PTOV1: variants seen among roughly 807,000 people sequenced by gnomAD.
PTOV1 encodes PTOV1 extended AT-hook containing adaptor protein.
Under a neutral mutation model 58.0 loss-of-function variants are expected in PTOV1, and 20 were observed. The observed-to-expected ratio is 0.34, with a 90% CI of 0.24 to 0.50. The LOEUF is 0.50. PTOV1 is among the 20% of genes least tolerant of loss of function. The pLI is 0.98. For missense variants in PTOV1, 593 were observed against 565.4 expected (o/e 1.05, Z -0.50); for synonymous variants, 335 against 234.2 (o/e 1.43, Z -3.93).
chr19:49,854,775 A>AGTGGCT (rs781132685), intron 3 of PTOV1, 41 bp downstream of exon 3: 7 of 1,613,010 alleles, frequency 4.3e-6, no homozygotes, highest in Non-Finnish European at 5.9e-6. Flanking sequence ...TGGCAGGGGC[A>AGTGGCT]GTGGCTGTGG....
At chr19:49,854,805 C>T (rs1460239637) in intron 3 of PTOV1, 26 bp from the exon 4 acceptor site, 4 of 1,613,190 alleles carry the variant, frequency 2.5e-6, no homozygotes, top group Non-Finnish European at 2.5e-6. Context: ...TCAGGGCAGC[C>T]CTTTCTGACC....
At chr19:49,856,285 A>G (rs1187018748) in intron 5 of PTOV1, 1 of 152,368 alleles carries the variant, frequency 6.6e-6, no homozygotes, top group Admixed American at 6.5e-5. Flanking sequence ...GGCTCCAGGG[A>G]GGCCAGGGAC....
chr19:49,859,850 C>G (rs2074669971), intron 10 of PTOV1, 136 bp from the exon 11 acceptor site: 2 of 936,222 alleles, frequency 2.1e-6, no homozygotes, highest in Non-Finnish European at 3.3e-6. Flanking sequence ...GGGCCCACCT[C>G]CAGGGTGGGT....
chr19:49,856,918 T>TG (rs2074494244), intron 5 of PTOV1, 57 bp from the exon 6 acceptor site: 2 of 1,599,370 alleles, frequency 1.3e-6, no homozygotes, highest in African/African-American at 1.3e-5. Flanking sequence ...TCCAGGGTGG[T>TG]GGGGGCACAG....
rs1279893557 is a variant in PTOV1 at position 49,857,634 on chromosome 19, A to G, written c.715-59A>G. On this transcript the variant is annotated intron_variant, in intron 6 of 11. Transcript: ENST00000391842. The stretch of plus-strand genomic sequence containing the variant: ...AGGGAGGGATGGCAGGCCCCAGGAC[A>G]GACAGACAGGTTTCCCAGGAGCCTG... The G allele has an allele frequency of 5.3e-6, 8 of 1,504,042 alleles. No individual in the cohort carries two copies. The Admixed American group carries it at 1.1e-4, about 20-fold the overall frequency. The allele number at this position is 1,504,042 out of a possible 1,614,324, so 93.2% of individuals were successfully genotyped here.
chr19:49,851,648 T>G, intron 1 of PTOV1, 149 bp downstream of exon 1: 3 of 1,062,330 alleles, frequency 2.8e-6, no homozygotes, highest in Non-Finnish European at 3.5e-6. Context: ...GGTTCCCCCG[T>G]GGAGCACCCG....
At chr19:49,860,121 G>A in exon 11 of PTOV1, 1 of 1,614,218 alleles carries the variant, frequency 6.2e-7, no homozygotes, top group East Asian at 2.2e-5. Context: ...CATCCGGCGT[G>A]TCATTGCCAA....
At chr19:49,854,988 T>G (rs1367340526) in exon 5 of PTOV1, 1 of 1,583,660 alleles carries the variant, frequency 6.3e-7, no homozygotes, top group African/African-American at 1.4e-5. Context: ...GGGCCCCCTG[T>G]TCCGGAACTC....
At position 49,854,893 on chromosome 19, in the gene PTOV1, G is replaced by GGGGCCCC; in HGVS notation, c.450+5_450+6insGGGCCCC. 5 of 1,603,494 alleles carry GGGGCCCC rather than the reference G, an allele frequency of 3.1e-6. No individual in the cohort carries two copies. The highest frequency in any genetic ancestry group is 4.3e-6 in the Non-Finnish European group (5 of 1,173,278). ...CTGATCCCTCAGCAGCTGCTGGTGA[G>GGGGCCCC]ACCCGCCCCTCCCACCCCATCCACT... On this transcript the variant is annotated splice_donor_region_variant and intron_variant, in intron 4 of 11. Coordinates refer to ENST00000391842, the Ensembl canonical transcript of PTOV1.
chr19:49,853,798 CTGGA>C, intron 1 of PTOV1, among the ~76,000 whole-genome samples: 1 of 152,186 alleles, frequency 6.6e-6, no homozygotes, highest in Non-Finnish European at 1.5e-5. Flanking sequence ...TGTCTTTCTC[CTGGA>C]TGGTTTAGTC....
intron 6 of PTOV1, 63 bp from the exon 7 acceptor site, chr19:49,857,630 G>A: frequency 6.7e-7 from 1 of 1,490,542 alleles, no homozygotes; most frequent in Non-Finnish European, 9.3e-7. Flanking sequence ...GCAGGCCCCA[G>A]GACAGACAGA....
intron 6 of PTOV1, 34 bp from the exon 7 acceptor site, chr19:49,857,659 G>A (rs775407804): frequency 1.3e-6 from 2 of 1,591,804 alleles, no homozygotes; most frequent in South Asian, 2.2e-5. Flanking sequence ...CCAGGAGCCT[G>A]GGCCCCTCTT....
chr19:49,853,051 A>G (rs566802105), intron 1 of PTOV1: 8 of 151,416 alleles, frequency 5.3e-5, no homozygotes, highest in South Asian at 4.2e-4. Context: ...TGCGTGGGTG[A>G]AGAATCACCT....
chr19:49,854,787 C>CG lies in PTOV1; in HGVS notation c.393-43dup. The CG allele has an allele frequency of 3.1e-6, 5 of 1,613,124 alleles. No individual in the cohort carries two copies. In the South Asian group the frequency reaches 5.5e-5, roughly 18 times the overall value. On this transcript the variant is annotated intron_variant, in intron 3 of 11. Coordinates refer to ENST00000391842, the Ensembl canonical transcript of PTOV1. Reference sequence around the variant, plus strand: ...CGGTGGCAGGGGCAGTGGCTGTGGCCGTGGGGATCAGGGCAGCCCTTTCTG... The same window carrying CG: ...CGGTGGCAGGGGCAGTGGCTGTGGCCGGTGGGGATCAGGGCAGCCCTTTCTG...
chr19:49,854,791 G>A (rs2074388999), intron 3 of PTOV1, 40 bp from the exon 4 acceptor site: 2 of 1,613,116 alleles, frequency 1.2e-6, no homozygotes, highest in Non-Finnish European at 8.5e-7. Context: ...TGTGGCCGTG[G>A]GGATCAGGGC....
At position 49,851,858 on chromosome 19, in the gene PTOV1, A is replaced by T; in HGVS notation, c.171+359A>T. ...CTCGCTCTCCGGGCAGGAAACCTGG[A>T]AATGGGGGCGGTTTTGGGGGACAGC... On this transcript the variant is annotated intron_variant, in intron 1 of 11. Transcript: ENST00000391842. 3.0e-6 allele frequency: 3 copies of T among 989,152 alleles called. No individual in the cohort carries two copies. The African/African-American group carries it at 5.2e-5, about 17-fold the overall frequency. The allele number at this position is 989,152 out of a possible 1,614,324, so 61.3% of individuals were successfully genotyped here. A position where few individuals can be genotyped will look rare whatever the true frequency, so the allele number is the denominator to read the frequency against.
chr19:49,857,120 C>A (rs1250586592), exon 6 of PTOV1: 2 of 1,614,036 alleles, frequency 1.2e-6, no homozygotes, highest in Admixed American at 3.3e-5. Context: ...GTCATCACCA[C>A]CCGCAAGCAG....
exon 11 of PTOV1, chr19:49,860,040 C>T (rs2074681577): frequency 1.2e-6 from 2 of 1,614,226 alleles, no homozygotes; most frequent in South Asian, 1.1e-5. Context: ...CGTGCTTATG[C>T]TCCTGTACTC....
exon 12 of PTOV1, chr19:49,860,364 A>T: frequency 6.7e-6 from 4 of 598,166 alleles, no homozygotes; most frequent in Non-Finnish European, 8.4e-6. Flanking sequence ...CATGTACAGG[A>T]GGGACCCTGG....
Sources: allele counts gnomAD v4.1 joint callset (sites outside exome capture counted in the v4.1 genomes callset), GRCh38; gene constraint gnomAD v4.1.1; transcripts MANE v1.5; gene names NCBI Gene and HGNC (gene_info 2026-07-23, HGNC 2026-07-21).